MYL10: variants seen among roughly 807,000 people sequenced by gnomAD.
MYL10 encodes the protein myosin regulatory light chain 10.
Under a neutral mutation model 21.9 loss-of-function variants are expected in MYL10, and 18 were observed. That is an observed-to-expected ratio of 0.82 (90% CI 0.57 to 1.22). The LOEUF is 1.22. Among genes scored for constraint, MYL10 ranks in the 50% most tolerant of loss-of-function variants. MYL10 has a pLI of 0.00. For missense variants in MYL10, 225 were observed against 230.4 expected (o/e 0.98, Z 0.15); for synonymous variants, 88 against 82.8 (o/e 1.06, Z -0.34).
intron 5 of MYL10, among the ~76,000 whole-genome samples, chr7:101,619,961 C>T (rs1300822563): frequency 1.3e-5 from 2 of 150,562 alleles, no homozygotes; most frequent in Non-Finnish European, 2.9e-5. Flanking sequence ...AAGGACTTTG[C>T]AGATGTAAGT....
intron 1 of MYL10, 150 bp downstream of exon 1, chr7:101,628,891 C>CAGA (rs1240819162): frequency 1.2e-5 from 4 of 347,768 alleles, no homozygotes; most frequent in Non-Finnish European, 2.2e-5. Context: ...ATATACAACA[C>CAGA]AGAAGGTCAG....
rs761539205 is a variant in MYL10, at chr7:101,616,204, G to A, written c.533+16C>T. 194 of 1,611,614 alleles carry A rather than the reference G, an allele frequency of 1.2e-4. No homozygotes were observed. The highest frequency in any genetic ancestry group is 1.6e-4 in the Non-Finnish European group (189 of 1,177,898). On this transcript the variant is annotated intron_variant, in intron 6 of 7. Transcript: ENST00000223167. Reference sequence around the variant, plus strand: ...TTATTCCCCTGAGCATTTTGGGGGAGTCAGGGGAAACTTACACATCGGCCT... The same window carrying A: ...TTATTCCCCTGAGCATTTTGGGGGAATCAGGGGAAACTTACACATCGGCCT...
intron 5 of MYL10, among the ~76,000 whole-genome samples, chr7:101,616,736 C>A (rs995900747): frequency 1.3e-5 from 2 of 152,090 alleles, no homozygotes; most frequent in African/African-American, 4.8e-5. Context: ...CCAAGCTGTG[C>A]ACAAGAGGCC....
chr7:101,624,296 C>G, intron 1 of MYL10, 32 bp from the exon 2 acceptor site: 3 of 1,576,362 alleles, frequency 1.9e-6, no homozygotes, highest in Non-Finnish European at 2.6e-6. Context: ...CTTGCAGCGG[C>G]CCCTGCCTCG....
Position 101,624,024 on chromosome 7 carries a change from G to A in MYL10, c.172-3C>T, listed in dbSNP as rs773186278. 2.8e-5 allele frequency: 18 copies of A among 639,572 alleles called. No homozygotes were observed. The Admixed American group carries it at 3.5e-4, about 13-fold the overall frequency. 39.6% of individuals were successfully genotyped at this position (639,572 alleles called of 1,614,324 possible). A position where few individuals can be genotyped will look rare whatever the true frequency, so the allele number is the denominator to read the frequency against. On this transcript the variant is annotated splice_region_variant and splice_polypyrimidine_tract_variant and intron_variant, in intron 2 of 7. Transcript: ENST00000223167. ...AGCCTGGGCGACAGAGCCAGACTCT[G>A]TCAAACAAACAAATAATAATAATAA...
chr7:101,613,646 C>T lies in MYL10; in HGVS notation c.582+16G>A. The stretch of plus-strand genomic sequence containing the variant: ...GAGCAGAGAATCCGCCGTGACCCAC[C>T]AGAATCCCAGTTTACCTCCTCCTCA... On this transcript the variant is annotated intron_variant, in intron 7 of 7. Coordinates refer to ENST00000223167, the MANE Select transcript of MYL10 (RefSeq NM_138403.5). The T allele has an allele frequency of 1.9e-6, 3 of 1,614,146 alleles. No homozygotes were observed. Among genetic ancestry groups the T allele is most frequent in the Non-Finnish European group, 2.5e-6 (3 of 1,180,010 alleles).
intron 1 of MYL10, among the ~76,000 whole-genome samples, chr7:101,628,212 C>T (rs1016475860): frequency 6.6e-6 from 1 of 152,118 alleles, no homozygotes; most frequent in South Asian, 2.1e-4. Context: ...CCAGAGCTTT[C>T]GGAGGCCAAG....
At chr7:101,621,876 A>G (rs538518364) in intron 5 of MYL10, among the ~76,000 whole-genome samples, 1 of 152,184 alleles carries the variant, frequency 6.6e-6, no homozygotes, top group East Asian at 1.9e-4. Flanking sequence ...GTGAGCCACC[A>G]TGCCTGGCCA....
intron 5 of MYL10, among the ~76,000 whole-genome samples, chr7:101,618,784 A>G (rs1796640272): frequency 6.6e-6 from 1 of 151,882 alleles, no homozygotes; most frequent in South Asian, 2.1e-4. Context: ...CCGGAGCCCC[A>G]GTCCCGGCGC....
chr7:101,622,608 C>T (rs1009664092), intron 4 of MYL10, among the ~76,000 whole-genome samples: 1 of 152,060 alleles, frequency 6.6e-6, no homozygotes, highest in Non-Finnish European at 1.5e-5. Context: ...CCACCTAAAC[C>T]CTGCATAGGC....
In MYL10 at chr7:101,619,076, G is replaced by A. The variant is rs375210144; in HGVS notation, c.455-2778C>T. Among the ~76,000 whole-genome samples the A allele has an allele frequency of 1.3e-3, 192 of 152,050 alleles. 1 individual carries two copies. The highest frequency in any genetic ancestry group is 4.4e-3 in the African/African-American group (183 of 41,468). On this transcript the variant is annotated intron_variant, in intron 5 of 7. Transcript: ENST00000223167. ...CACCTCCTGGGCCCGGCCCTGGGCC[G>A]TCCACCCTGGCAGAACCACAGGCCA...
At position 101,613,340 on chromosome 7, in the gene MYL10, A is replaced by G. The variant is rs747965132; in HGVS notation, c.*135T>C. ...CCGCACAAACTCAGACCTCATTAGC[A>G]TTATTTATTCTTGCTTTGTCCCCAA... is the stretch of plus-strand genomic sequence containing the variant. On this transcript the variant is annotated 3_prime_UTR_variant, in exon 8 of 8. Transcript: ENST00000223167. The G allele has an allele frequency of 1.1e-4, 77 of 679,308 alleles. No homozygotes were observed. The highest frequency in any genetic ancestry group is 1.5e-4 in the Non-Finnish European group (59 of 387,198). The allele number at this position is 679,308 out of a possible 1,614,324, so 42.1% of individuals were successfully genotyped here.
At chr7:101,619,535 A>C (rs1440684717) in intron 5 of MYL10, among the ~76,000 whole-genome samples, 2 of 152,118 alleles carry the variant, frequency 1.3e-5, no homozygotes, top group African/African-American at 4.8e-5. Flanking sequence ...TCACCCCATC[A>C]AACCTGTGAT....
In MYL10 at chr7:101,622,265, C is replaced by G. The variant is rs1004883822; in HGVS notation, c.350-65G>C. The G allele has an allele frequency of 1.2e-5, 15 of 1,255,680 alleles. No individual in the cohort carries two copies. In the Admixed American group the frequency reaches 3.0e-4, roughly 25 times the overall value. The allele number at this position is 1,255,680 out of a possible 1,614,324, so 77.8% of individuals were successfully genotyped here. The stretch of plus-strand genomic sequence containing the variant: ...GATCAGAGCTTGGGCCTCGGAGGAT[C>G]CCACAAAGCCTCCCCACTCAGCTGC... On this transcript the variant is annotated intron_variant, in intron 4 of 7. Coordinates refer to ENST00000223167, the MANE Select transcript of MYL10 (RefSeq NM_138403.5).
intron 1 of MYL10, among the ~76,000 whole-genome samples, chr7:101,627,818 C>G (rs1045279990): frequency 6.6e-6 from 1 of 152,222 alleles, no homozygotes; most frequent in Non-Finnish European, 1.5e-5. Flanking sequence ...CTGCCTACCC[C>G]AATGGGAAGA....
intron 5 of MYL10, among the ~76,000 whole-genome samples, chr7:101,618,395 AT>A (rs1562824045): frequency 6.6e-6 from 1 of 152,184 alleles, no homozygotes; most frequent in Non-Finnish European, 1.5e-5. Context: ...GGTTTCACTG[AT>A]TAGTTGAAAA....
At chr7:101,614,319 G>A (rs1197604951) in intron 6 of MYL10, among the ~76,000 whole-genome samples, 1 of 152,212 alleles carries the variant, frequency 6.6e-6, no homozygotes, top group African/African-American at 2.4e-5. Context: ...GCTGCGGCAG[G>A]CCTCGCTAAG....
chr7:101,621,477 C>A (rs2130740142), intron 5 of MYL10, among the ~76,000 whole-genome samples: 1 of 152,220 alleles, frequency 6.6e-6, no homozygotes, highest in East Asian at 1.9e-4. Context: ...ATACCCCCAG[C>A]CCCATGTGCA....
chr7:101,619,125 C>T (rs541526067), intron 5 of MYL10, among the ~76,000 whole-genome samples: 70 of 152,370 alleles, frequency 4.6e-4, no homozygotes, highest in African/African-American at 1.2e-3. Context: ...TCCCACTGGC[C>T]TTTAACACGC....
Sources: gnomAD v4.1 joint callset for allele counts (sites outside exome capture counted in the v4.1 genomes callset) on GRCh38, gnomAD v4.1.1 for gene constraint, MANE v1.5 for transcripts, NCBI Gene and HGNC (gene_info 2026-07-23, HGNC 2026-07-21) for gene names.